TRAF3: variants seen among roughly 807,000 people sequenced by gnomAD.
TRAF3 encodes the protein TNF receptor associated factor 3, also known as TNF receptor-associated factor 3.
TRAF3 carries 13 observed loss-of-function variants against 62.3 expected under a neutral mutation model. The observed-to-expected ratio is 0.21, with a 90% CI of 0.14 to 0.33. TRAF3 has a LOEUF of 0.33. Ranked by LOEUF, TRAF3 falls within the 10% of genes least tolerant of loss-of-function variation. The pLI, the probability that TRAF3 is intolerant of heterozygous loss-of-function variation, is 1.00. For missense variants in TRAF3, 440 were observed against 741.8 expected, an observed-to-expected ratio of 0.59 and a Z score of 4.73; for synonymous variants, 269 against 283.4, an observed-to-expected ratio of 0.95 and a Z score of 0.51.
intron 2 of TRAF3, among the ~76,000 whole-genome samples, chr14:102,847,755 T>C (rs57673471): frequency 6.6e-6 from 1 of 152,242 alleles, no homozygotes; most frequent in African/African-American, 2.4e-5. Flanking sequence ...AATTAAATTT[T>C]AAAACATCCT....
intron 2 of TRAF3, among the ~76,000 whole-genome samples, chr14:102,869,641 C>T (rs1465143765): frequency 6.6e-6 from 1 of 151,826 alleles, no homozygotes; most frequent in Non-Finnish European, 1.5e-5. Context: ...CCCGTCTCTA[C>T]TAAAAATACA....
chr14:102,900,586 A>G (rs929885264), intron 10 of TRAF3, among the ~76,000 whole-genome samples: 6 of 152,210 alleles, frequency 3.9e-5, no homozygotes, highest in African/African-American at 9.6e-5. Flanking sequence ...TCTTACAGTC[A>G]GGGGGTCCAC....
At chr14:102,874,727 T>C (rs1049079688) in intron 4 of TRAF3, among the ~76,000 whole-genome samples, 3 of 151,970 alleles carry the variant, frequency 2.0e-5, no homozygotes, top group East Asian at 1.9e-4. Context: ...CATGGCTCAC[T>C]GCATCCTCTA....
intron 10 of TRAF3, among the ~76,000 whole-genome samples, chr14:102,898,112 A>G (rs1390701436): frequency 6.6e-6 from 1 of 152,216 alleles, no homozygotes; most frequent in Non-Finnish European, 1.5e-5. Context: ...CTGAACTTAG[A>G]CGGTGTGTCC....
chr14:102,834,296 C>T (rs993099548), intron 2 of TRAF3, among the ~76,000 whole-genome samples: 4 of 152,168 alleles, frequency 2.6e-5, no homozygotes, highest in African/African-American at 9.7e-5. Flanking sequence ...GGCTGCACAC[C>T]TACAACCATC....
At chr14:102,820,398 C>T (rs544344214) in intron 1 of TRAF3, among the ~76,000 whole-genome samples, 1 of 151,868 alleles carries the variant, frequency 6.6e-6, no homozygotes, top group East Asian at 1.9e-4. Flanking sequence ...CAGTCACACA[C>T]TCTGCCCTCT....
At chr14:102,801,174 T>A (rs1898390188) in intron 1 of TRAF3, among the ~76,000 whole-genome samples, 1 of 152,098 alleles carries the variant, frequency 6.6e-6, no homozygotes, top group Non-Finnish European at 1.5e-5. Context: ...TCTTCTCACT[T>A]TGTTACCTAG....
chr14:102,883,110 A>G (rs964796195), intron 6 of TRAF3, among the ~76,000 whole-genome samples: 14 of 151,920 alleles, frequency 9.2e-5, no homozygotes, highest in African/African-American at 3.4e-4. Flanking sequence ...CTGGATGTGT[A>G]GGAGAAACAC....
chr14:102,874,231 G>A (rs544453641), intron 4 of TRAF3, among the ~76,000 whole-genome samples: 3 of 152,000 alleles, frequency 2.0e-5, no homozygotes, highest in East Asian at 1.9e-4. Context: ...GCACCAGTGC[G>A]CTCCAGCCTG....
At chr14:102,822,731 C>T (rs532854961) in intron 1 of TRAF3, among the ~76,000 whole-genome samples, 40 of 152,272 alleles carry the variant, frequency 2.6e-4, no homozygotes, top group Non-Finnish European at 7.4e-5. Flanking sequence ...GCTGGCCGGG[C>T]GCTGTGGCTT....
chr14:102,834,346 C>T (rs1301636694), intron 2 of TRAF3, among the ~76,000 whole-genome samples: 1 of 152,134 alleles, frequency 6.6e-6, no homozygotes, highest in African/African-American at 2.4e-5. Context: ...GGGGAAAGGA[C>T]TCCCTATTCA....
At chr14:102,791,343 A>G (rs1897783616) in intron 1 of TRAF3, among the ~76,000 whole-genome samples, 1 of 151,990 alleles carries the variant, frequency 6.6e-6, no homozygotes, top group Admixed American at 6.6e-5. Context: ...TTTTCATTCA[A>G]TTATGTCTCC....
At chr14:102,823,667 G>A (rs1225406818) in intron 1 of TRAF3, among the ~76,000 whole-genome samples, 3 of 152,168 alleles carry the variant, frequency 2.0e-5, no homozygotes, top group African/African-American at 4.8e-5. Flanking sequence ...TGGGTGACCT[G>A]CATCTCATTA....
At chr14:102,787,882 C>G (rs1897586129) in intron 1 of TRAF3, among the ~76,000 whole-genome samples, 1 of 138,060 alleles carries the variant, frequency 7.2e-6, no homozygotes, top group African/African-American at 2.7e-5. Context: ...GAGATGGAGT[C>G]TCCCAGTCAC....
chr14:102,805,848 A>G (rs372073219), intron 1 of TRAF3, among the ~76,000 whole-genome samples: 4 of 152,218 alleles, frequency 2.6e-5, no homozygotes, highest in East Asian at 1.9e-4. Flanking sequence ...TTGTGTGAGT[A>G]CATACCTGTT....
chr14:102,801,152 C>G (rs1403832304), intron 1 of TRAF3, among the ~76,000 whole-genome samples: 1 of 152,148 alleles, frequency 6.6e-6, no homozygotes, highest in Non-Finnish European at 1.5e-5. Flanking sequence ...GGCGACAGAA[C>G]GAGACTCCGT....
intron 2 of TRAF3, among the ~76,000 whole-genome samples, chr14:102,842,586 A>G (rs1437572893): frequency 6.6e-6 from 1 of 152,150 alleles, no homozygotes; most frequent in African/African-American, 2.4e-5. Context: ...TAATGGCTGG[A>G]AATTTTCCAA....
intron 2 of TRAF3, among the ~76,000 whole-genome samples, chr14:102,830,874 A>C (rs748064832): frequency 6.6e-6 from 1 of 152,204 alleles, no homozygotes; most frequent in African/African-American, 2.4e-5. Context: ...ATGATACTGT[A>C]TTTACTAAGG....
At chr14:102,833,944 G>A (rs1885805914) in intron 2 of TRAF3, among the ~76,000 whole-genome samples, 1 of 151,086 alleles carries the variant, frequency 6.6e-6, no homozygotes, top group South Asian at 2.1e-4. Context: ...AGCCAAGATT[G>A]CGCCACTGCA....
Sources: gnomAD v4.1 joint callset for allele counts (sites outside exome capture counted in the v4.1 genomes callset) on GRCh38, gnomAD v4.1.1 for gene constraint, MANE v1.5 for transcripts, NCBI Gene and HGNC (gene_info 2026-07-23, HGNC 2026-07-21) for gene names.